The following AGAP1 variants were observed in gnomAD, a reference collection of about 807,000 sequenced individuals.
AGAP1 encodes the protein ArfGAP with GTPase domain, ankyrin repeat and PH domain 1.
A neutral mutation model predicts 105.3 loss-of-function variants in AGAP1; 29 were observed. The observed-to-expected ratio is 0.28, with a 90% CI of 0.21 to 0.38. The LOEUF (loss-of-function observed/expected upper bound fraction) is 0.38. AGAP1 is among the 10% of genes least tolerant of loss of function. The pLI is 1.00. For synonymous variants in AGAP1, 509 were observed against 485.9 expected (o/e 1.05, Z -0.63); for missense variants, 998 against 1,165.1 (o/e 0.86, Z 2.09).
Position 235,901,928 on chromosome 2 carries a change from A to G in AGAP1, c.1156-6810A>G, listed in dbSNP as rs533935689. On this transcript the variant is annotated intron_variant, in intron 10 of 17. Transcript: ENST00000304032. This position sits in a 1 kb window ranked among gnomAD's most constrained non-coding sequence, Gnocchi z 4.3. ...GGGACCCCAAAGAGCTTTTGTTCAT[A>G]TGGATTTTGTCTATTGATATTCATC... Among the ~76,000 whole-genome samples, 14 of 152,172 alleles carry G rather than the reference A, an allele frequency of 9.2e-5. No individual in the cohort carries two copies. The South Asian group carries it at 2.1e-3, about 23-fold the overall frequency.
At chr2:235,589,194 G>T (rs13025208) in intron 1 of AGAP1, among the ~76,000 whole-genome samples, 24,612 of 59,572 alleles carry the variant, frequency 0.41, 4,651 homozygotes, top group Middle Eastern at 0.56. Flanking sequence ...TTATTGTTTT[G>T]TTTTTTTTTT....
chr2:235,656,055 C>T (rs1057374969), intron 1 of AGAP1, among the ~76,000 whole-genome samples: 8 of 152,218 alleles, frequency 5.3e-5, no homozygotes, highest in Non-Finnish European at 1.2e-4. Flanking sequence ...TCTTCCTTCC[C>T]TGCAAGGGCA....
At chr2:235,853,673 G>T (rs1428705100) in intron 9 of AGAP1, among the ~76,000 whole-genome samples, 1 of 152,158 alleles carries the variant, frequency 6.6e-6, no homozygotes, top group East Asian at 1.9e-4. Context: ...AATTTAATCA[G>T]ATGAATATAT....
chr2:235,841,902 C>T (rs979942255), intron 9 of AGAP1, among the ~76,000 whole-genome samples: 5 of 151,942 alleles, frequency 3.3e-5, no homozygotes, highest in African/African-American at 1.2e-4. Flanking sequence ...GCTGCTCTCT[C>T]TCTTCCCCTG....
rs1028838138 is a variant in AGAP1 at position 235,729,292 on chromosome 2, G to A, written c.310+11648G>A. Among the ~76,000 whole-genome samples, 8 of 152,156 alleles carry A rather than the reference G, an allele frequency of 5.3e-5. No homozygotes were observed. The highest frequency in any genetic ancestry group is 2.1e-4 in the South Asian group (1 of 4,834). ...ACTGATTCCCAGGTGTGTTTGGGCC[G>A]TCTAGAACCATGTGACCTGGCAGCC... is the stretch of plus-strand genomic sequence containing the variant. On this transcript the variant is annotated intron_variant, in intron 3 of 17. Coordinates refer to ENST00000304032, the MANE Select transcript of AGAP1 (RefSeq NM_001037131.3). The surrounding 1 kb of genome is among the most constrained non-coding windows in gnomAD (Gnocchi z 5.0).
At chr2:236,052,082 TTAG>T (rs1375732506) in intron 16 of AGAP1, among the ~76,000 whole-genome samples, 5 of 152,248 alleles carry the variant, frequency 3.3e-5, no homozygotes, top group African/African-American at 1.2e-4. Flanking sequence ...CCTACGATTG[TTAG>T]TAGAAACAGC....
In AGAP1 at chr2:236,035,526, C is replaced by T. The variant is rs115374135; in HGVS notation, c.1646-1035C>T. On this transcript the variant is annotated intron_variant, in intron 13 of 17. Coordinates refer to ENST00000304032, the MANE Select transcript of AGAP1 (RefSeq NM_001037131.3). The surrounding 1 kb of genome is among the most constrained non-coding windows in gnomAD (Gnocchi z 4.2). ...CCTGTAGTCCGAGCTACTCAGGAGG[C>T]GAAGGCAGGCTCGCTTGAGCCTGGG... Among the ~76,000 whole-genome samples, 339 of 152,180 alleles carry T rather than the reference C, an allele frequency of 2.2e-3. No homozygotes were observed. Among genetic ancestry groups the T allele is most frequent in the Non-Finnish European group, 3.3e-3 (224 of 67,996 alleles).
At chr2:235,834,497 G>A (rs1000287531) in intron 9 of AGAP1, among the ~76,000 whole-genome samples, 4 of 152,242 alleles carry the variant, frequency 2.6e-5, no homozygotes, top group African/African-American at 9.6e-5. Flanking sequence ...GTGAGCAGCA[G>A]GAGGGCAGAG....
intron 12 of AGAP1, among the ~76,000 whole-genome samples, chr2:235,952,162 C>T (rs1320329931): frequency 6.6e-6 from 1 of 152,116 alleles, no homozygotes; most frequent in African/African-American, 2.4e-5. Context: ...TGCCTCTTGT[C>T]AGAGACATGA....
rs2054230257 is a variant in AGAP1 at position 235,962,406 on chromosome 2, C to T, written c.1484-6056C>T. On this transcript the variant is annotated intron_variant, in intron 12 of 17. Coordinates refer to ENST00000304032, the MANE Select transcript of AGAP1 (RefSeq NM_001037131.3). This position sits in a 1 kb window ranked among gnomAD's most constrained non-coding sequence, Gnocchi z 5.3. ...AAACTTACAAGGGTGAGTTTCAAGTCGTGTGCGATGCTGCCCGGCTGTATA... is the reference window on the plus strand; with the variant it reads ...AAACTTACAAGGGTGAGTTTCAAGTTGTGTGCGATGCTGCCCGGCTGTATA... Among the ~76,000 whole-genome samples the T allele has an allele frequency of 1.3e-5, 2 of 151,942 alleles. No individual in the cohort carries two copies. The highest frequency in any genetic ancestry group is 2.4e-5 in the African/African-American group (1 of 41,334).
Position 235,931,867 on chromosome 2 carries a change from A to G in AGAP1, c.1483+944A>G, listed in dbSNP as rs1351404726. 2.6e-5 allele frequency among the ~76,000 whole-genome samples: 4 copies of G among 152,052 alleles called. No individual in the cohort carries two copies. Among genetic ancestry groups the G allele is most frequent in the South Asian group, 2.1e-4 (1 of 4,828 alleles). On this transcript the variant is annotated intron_variant, in intron 12 of 17. Coordinates refer to ENST00000304032, the MANE Select transcript of AGAP1 (RefSeq NM_001037131.3). The surrounding 1 kb of genome is among the most constrained non-coding windows in gnomAD (Gnocchi z 5.6). ...GGAGTCAGCGAGGTAGCTCCACACC[A>G]TAGCGGTGCGGGTCTGGAAGAGCCT...
Position 236,104,536 on chromosome 2 carries a change from G to C in AGAP1, c.2115-15656G>C, listed in dbSNP as rs918789431. Among the ~76,000 whole-genome samples the C allele has an allele frequency of 5.9e-5, 9 of 152,244 alleles. No individual in the cohort carries two copies. Among genetic ancestry groups the C allele is most frequent in the African/African-American group, 2.2e-4 (9 of 41,472 alleles). The stretch of plus-strand genomic sequence containing the variant: ...GCTGTGAGGGTCAGGACCACCATCA[G>C]AATCCCTTACAAAGCCACAGCCCTC... On this transcript the variant is annotated intron_variant, in intron 16 of 17. Coordinates refer to ENST00000304032, the MANE Select transcript of AGAP1 (RefSeq NM_001037131.3). The surrounding 1 kb of genome is among the most constrained non-coding windows in gnomAD (Gnocchi z 4.7).
chr2:235,949,182 C>T (rs1272775781), intron 12 of AGAP1, among the ~76,000 whole-genome samples: 1 of 152,166 alleles, frequency 6.6e-6, no homozygotes, highest in Non-Finnish European at 1.5e-5. Flanking sequence ...TTCTTTCATA[C>T]ATGCACGTTG....
chr2:235,808,345 T>C (rs532586202), intron 9 of AGAP1, among the ~76,000 whole-genome samples: 1 of 152,324 alleles, frequency 6.6e-6, no homozygotes, highest in South Asian at 2.1e-4. Flanking sequence ...AGGAACTGTG[T>C]AGGCACTGGC....
intron 16 of AGAP1, among the ~76,000 whole-genome samples, chr2:236,107,369 C>T (rs532478456): frequency 2.6e-5 from 4 of 152,330 alleles, no homozygotes; most frequent in African/African-American, 7.2e-5. Context: ...GCTAGCCTCA[C>T]GCATCCTCCC....
intron 10 of AGAP1, among the ~76,000 whole-genome samples, chr2:235,895,355 C>CA (rs35852098): frequency 0.35 from 53,181 of 152,000 alleles, 9,722 homozygotes; most frequent in Admixed American, 0.47. Flanking sequence ...TCAGACTGGC[C>CA]TCTCACCTGC....
rs905195000 is a variant in AGAP1 at position 236,123,800 on chromosome 2, G to A, written c.2371-119G>A. On this transcript the variant is annotated intron_variant, in intron 17 of 17. Transcript: ENST00000304032. This position sits in a 1 kb window ranked among gnomAD's most constrained non-coding sequence, Gnocchi z 4.6. ...GATGGTCCTGGCACCCCAGCCAGTT[G>A]TGTAGCTGGCCCCGCTGTCCAAGCA... 61 of 1,261,482 alleles carry A rather than the reference G, an allele frequency of 4.8e-5. No individual in the cohort carries two copies. Among genetic ancestry groups the A allele is most frequent in the Middle Eastern group, 2.7e-4 (1 of 3,720 alleles). The allele number at this position is 1,261,482 out of a possible 1,614,324, so 78.1% of individuals were successfully genotyped here.
chr2:235,515,374 G>A (rs1434533354), intron 1 of AGAP1, among the ~76,000 whole-genome samples: 1 of 152,132 alleles, frequency 6.6e-6, no homozygotes, highest in Non-Finnish European at 1.5e-5. Context: ...TCTTGGCCAG[G>A]GGAGGCCTTT....
intron 13 of AGAP1, among the ~76,000 whole-genome samples, chr2:236,006,212 A>C (rs1411531459): frequency 6.6e-6 from 1 of 151,990 alleles, no homozygotes; most frequent in Non-Finnish European, 1.5e-5. Context: ...CCTTTGCCCT[A>C]CACCCCATCT....
Sources: gnomAD v4.1 joint callset for allele counts (sites outside exome capture counted in the v4.1 genomes callset) on GRCh38, gnomAD v4.1.1 for gene constraint, Gnocchi (gnomAD v3.1) non-coding constraint, MANE v1.5 for transcripts, NCBI Gene and HGNC (gene_info 2026-07-23, HGNC 2026-07-21) for gene names.